The following XIRP2 variants were observed in gnomAD, a reference collection of about 807,000 sequenced individuals.
The protein encoded by XIRP2 is xin actin-binding repeat-containing protein 2.
In XIRP2, 236 loss-of-function variants were observed where a neutral mutation model predicts 277.0. That is an observed-to-expected ratio of 0.85 (90% CI 0.77 to 0.95). The LOEUF (loss-of-function observed/expected upper bound fraction) is 0.95, where lower values mean the gene tolerates loss of function less well. Among genes scored for constraint, XIRP2 ranks in the 40% least tolerant of loss-of-function variants. The pLI, the probability that XIRP2 is intolerant of heterozygous loss-of-function variation, is 0.00. For missense variants in XIRP2, 4,640 were observed against 4,157.5 expected (o/e 1.12, Z -3.19); for synonymous variants, 1,490 against 1,416.5 (o/e 1.05, Z -1.17).
intron 2 of XIRP2, among the ~76,000 whole-genome samples, chr2:167,016,973 G>T (rs758915074): frequency 4.6e-5 from 7 of 151,942 alleles, no homozygotes; most frequent in Non-Finnish European, 1.0e-4. Context: ...TAAACATGGT[G>T]ATGGATCCTG....
chr2:167,190,681 A>C lies in XIRP2; in HGVS notation c.563-20054A>C, dbSNP rs566342640. On this transcript the variant is annotated intron_variant, in intron 3 of 10. Transcript: ENST00000409195. The stretch of plus-strand genomic sequence containing the variant: ...AGTAAGAGCACAAAAAACAATGACA[A>C]TTAGGCAATGAAAAGAGCAGGTTTT... Among the ~76,000 whole-genome samples, 3 of 152,310 alleles carry C rather than the reference A, an allele frequency of 2.0e-5. No individual in the cohort carries two copies. The East Asian group carries it at 5.8e-4, about 29-fold the overall frequency.
chr2:167,140,248 G>A (rs941858465), intron 3 of XIRP2, among the ~76,000 whole-genome samples: 2 of 152,150 alleles, frequency 1.3e-5, no homozygotes, highest in Non-Finnish European at 2.9e-5. Flanking sequence ...CTACTGTGAG[G>A]CTTTGCATTC....
intron 5 of XIRP2, among the ~76,000 whole-genome samples, chr2:167,227,149 C>G (rs996982584): frequency 2.6e-5 from 4 of 152,104 alleles, no homozygotes; most frequent in Non-Finnish European, 5.9e-5. Flanking sequence ...TGCGTGCACA[C>G]GTCATTCTGT....
chr2:167,152,692 C>T (rs936343196), intron 3 of XIRP2, among the ~76,000 whole-genome samples: 7 of 151,908 alleles, frequency 4.6e-5, no homozygotes, highest in African/African-American at 1.7e-4. Context: ...TTAATCAGGA[C>T]CAGAAAAACA....
intron 2 of XIRP2, among the ~76,000 whole-genome samples, chr2:167,041,393 G>A (rs1688658169): frequency 6.6e-6 from 1 of 152,130 alleles, no homozygotes; most frequent in Admixed American, 6.6e-5. Flanking sequence ...AGATTCAGGA[G>A]AGAGTTGAAA....
intron 2 of XIRP2, among the ~76,000 whole-genome samples, chr2:167,083,203 C>A (rs1165091422): frequency 1.3e-5 from 2 of 152,070 alleles, no homozygotes; most frequent in Non-Finnish European, 2.9e-5. Flanking sequence ...AATAGGGAAT[C>A]CTTTCCCCAT....
In XIRP2 at chr2:167,241,849, C is replaced by A. The variant is rs749536899; in HGVS notation, c.1115C>A (p.Ser372Tyr). ...TTGTTAAAAGAGCAGTTTGAAAAGT[C>A]TGCCCAGGAAAAGATCCTTTATTCT... ...TKLLKEQFEK[S>Y]AQEKILYSDK... Residue 372 changes from serine to tyrosine, a missense_variant, in exon 8 of 11, where the codon TCT becomes TAT. Transcript: ENST00000409195. The A allele has an allele frequency of 6.2e-7, 1 of 1,613,672 alleles. No homozygotes were observed. The highest frequency in any genetic ancestry group is 1.3e-5 in the African/African-American group (1 of 75,012).
Position 167,246,066 on chromosome 2 carries a change from T to G in XIRP2, c.4674T>G (p.Asp1558Glu). 1.2e-6 allele frequency: 2 copies of G among 1,613,632 alleles called. No homozygotes were observed. The highest frequency in any genetic ancestry group is 1.7e-6 in the Non-Finnish European group (2 of 1,179,784). Residue 1558 changes from aspartate (D) to glutamate (E), a missense_variant, in exon 9 of 11, where the codon GAT becomes GAG. Asp to Glu is a conservative substitution (Grantham distance 45). Transcript: ENST00000409195. ...AGAGCATTAAAGAAACCTTAGAAGA[T>G]CTCTACTCTCAAAAAGTTATCCAGG... ...IGKSIKETLE[D>E]LYSQKVIQAP...
chr2:167,137,233 G>T (rs1456000599), intron 3 of XIRP2, among the ~76,000 whole-genome samples: 1 of 152,150 alleles, frequency 6.6e-6, no homozygotes, highest in Admixed American at 6.6e-5. Flanking sequence ...GATGGACTGG[G>T]CATGGATTTC....
At chr2:167,037,516 GGGGTGTGTGT>G (rs1285043937) in intron 2 of XIRP2, among the ~76,000 whole-genome samples, 91 of 109,096 alleles carry the variant, frequency 8.3e-4, no homozygotes, top group African/African-American at 3.3e-3. Context: ...TTTCATGTGG[GGGGTGTGTGT>G]GTGTGTGTGT....
At chr2:167,186,596 G>T (rs1349370301) in intron 3 of XIRP2, among the ~76,000 whole-genome samples, 1 of 152,060 alleles carries the variant, frequency 6.6e-6, no homozygotes, top group Admixed American at 6.6e-5. Context: ...ATGCTCATTG[G>T]GTTCTGGGTC....
At chr2:167,001,281 C>A (rs1248839256) in intron 2 of XIRP2, among the ~76,000 whole-genome samples, 1 of 152,006 alleles carries the variant, frequency 6.6e-6, no homozygotes, top group African/African-American at 2.4e-5. Flanking sequence ...CCTACCTCCC[C>A]CAAGAACACA....
chr2:167,151,015 AC>A (rs1172305503), intron 3 of XIRP2, among the ~76,000 whole-genome samples: 1 of 152,144 alleles, frequency 6.6e-6, no homozygotes, highest in African/African-American at 2.4e-5. Flanking sequence ...GGAAAGGTTC[AC>A]ATAAAATCCT....
At chr2:167,194,030 CA>C (rs1463360014) in intron 3 of XIRP2, among the ~76,000 whole-genome samples, 1 of 151,804 alleles carries the variant, frequency 6.6e-6, no homozygotes, top group African/African-American at 2.4e-5. Context: ...AAAGGAGTTT[CA>C]GGGGTTGATA....
intron 4 of XIRP2, among the ~76,000 whole-genome samples, chr2:167,212,496 A>G (rs1694078685): frequency 1.3e-5 from 2 of 152,220 alleles, no homozygotes; most frequent in Admixed American, 1.3e-4. Flanking sequence ...AAATGATCCC[A>G]TTATTTAATA....
chr2:167,010,556 C>CT (rs1179578153), intron 2 of XIRP2, among the ~76,000 whole-genome samples: 1 of 152,050 alleles, frequency 6.6e-6, no homozygotes, highest in East Asian at 1.9e-4. Flanking sequence ...AATGCGGGCT[C>CT]TTTTTTGGTT....
intron 3 of XIRP2, among the ~76,000 whole-genome samples, chr2:167,176,521 A>G (rs755989349): frequency 1.3e-5 from 2 of 152,158 alleles, no homozygotes; most frequent in Non-Finnish European, 2.9e-5. Context: ...CTTTGCCTCC[A>G]GCTCTATTGA....
chr2:167,034,774 C>T (rs982015252), intron 2 of XIRP2, among the ~76,000 whole-genome samples: 2 of 152,166 alleles, frequency 1.3e-5, no homozygotes, highest in African/African-American at 4.8e-5. Context: ...TGCTGGATCA[C>T]CCAGATAATA....
Position 166,977,409 on chromosome 2 carries a change from C to G in XIRP2, c.408+73519C>G, listed in dbSNP as rs557794480. The stretch of plus-strand genomic sequence containing the variant: ...ATAGGGAGACTGCTTATATTTTCCC[C>G]AACATTTTTAAATGAAAATCATCAA... On this transcript the variant is annotated intron_variant, in intron 2 of 10. Transcript: ENST00000409195. 2.0e-4 allele frequency among the ~76,000 whole-genome samples: 30 copies of G among 152,228 alleles called. No individual in the cohort carries two copies. In the South Asian group the frequency reaches 6.0e-3, roughly 30 times the overall value.
Sources: gnomAD v4.1 joint callset for allele counts (sites outside exome capture counted in the v4.1 genomes callset) on GRCh38, gnomAD v4.1.1 for gene constraint, MANE v1.5 for transcripts, NCBI Gene and HGNC (gene_info 2026-07-23, HGNC 2026-07-21) for gene names.